SPAST: variants seen among roughly 807,000 people sequenced by gnomAD.
SPAST encodes the protein spastin, also known as spastic paraplegia 4 (autosomal dominant; spastin).
A neutral mutation model predicts 76.6 loss-of-function variants in SPAST; 30 were observed. The ratio of observed to expected loss-of-function variants is 0.39; its 90% CI spans 0.29 to 0.53. SPAST has a LOEUF of 0.53. SPAST is among the 20% of genes least tolerant of loss of function. The probability of loss-of-function intolerance (pLI) is 0.68; values close to 1 mark genes in which losing one functional copy is unlikely to be tolerated. For synonymous variants in SPAST, 305 were observed against 281.0 expected (o/e 1.09, Z -0.86); for missense variants, 717 against 770.5 (o/e 0.93, Z 0.82).
intron 6 of SPAST, 107 bp from the exon 7 acceptor site, chr2:32,116,012 T>C (rs1361724360): frequency 3.1e-6 from 3 of 963,856 alleles, no homozygotes; most frequent in Non-Finnish European, 4.9e-6. Flanking sequence ...TAACTATAGT[T>C]TAACAGTTAA....
chr2:32,128,773 A>T (rs1331935563), intron 9 of SPAST: 7 of 393,320 alleles, frequency 1.8e-5, no homozygotes, highest in East Asian at 1.7e-4. Flanking sequence ...AGATCAGTCA[A>T]AATGTTGGCA....
intron 4 of SPAST, among the ~76,000 whole-genome samples, chr2:32,101,468 T>G (rs1293954950): frequency 6.6e-6 from 1 of 152,104 alleles, no homozygotes; most frequent in Non-Finnish European, 1.5e-5. Flanking sequence ...TTAGTTTAAT[T>G]AGATCCCATT....
At chr2:32,070,021 A>G (rs1293430996) in intron 1 of SPAST, among the ~76,000 whole-genome samples, 1 of 150,278 alleles carries the variant, frequency 6.7e-6, no homozygotes, top group Admixed American at 6.7e-5. Flanking sequence ...TATGGTGACT[A>G]TGTTTATTCT....
At chr2:32,145,420 A>G (rs1388126067) in intron 15 of SPAST, among the ~76,000 whole-genome samples, 2 of 152,186 alleles carry the variant, frequency 1.3e-5, no homozygotes, top group Admixed American at 6.6e-5. Flanking sequence ...TAGCTCACAG[A>G]TCATACAAAA....
chr2:32,116,169 A>G lies in SPAST; in HGVS notation c.1055A>G (p.Gln352Arg). Residue 352 changes from glutamine to arginine, a missense_variant, in exon 7 of 17, where the codon CAA becomes CGA. By Grantham distance (43) the Gln-to-Arg change is conservative. Transcript: ENST00000315285. Reference protein sequence around the residue: ...DDIAGQDLAKQALQEIVILPS... With the variant: ...DDIAGQDLAKRALQEIVILPS... ...ATAGCTGGTCAAGACTTGGCAAAAC[A>G]AGCATTGCAAGAAATTGTTATTCTT... is the stretch of plus-strand genomic sequence containing the variant. 6.2e-7 allele frequency: 1 copy of G among 1,613,670 alleles called. No individual in the cohort carries two copies. Among genetic ancestry groups the G allele is most frequent in the Non-Finnish European group, 8.5e-7 (1 of 1,179,716 alleles).
At chr2:32,126,095 G>A (rs1215371818) in intron 7 of SPAST, among the ~76,000 whole-genome samples, 3 of 152,082 alleles carry the variant, frequency 2.0e-5, no homozygotes, top group Middle Eastern at 3.2e-3. Context: ...GTAAGCCACC[G>A]TGCCCGGCCA....
chr2:32,063,680 C>T lies in SPAST; in HGVS notation c.-152C>T. Reference sequence around the variant, plus strand: ...GCCGAGGAAGGAGAAAGGGGCGGGGCCGGCGGGCAGCGTGCGGCAGTGCGG... The same window carrying T: ...GCCGAGGAAGGAGAAAGGGGCGGGGTCGGCGGGCAGCGTGCGGCAGTGCGG... On this transcript the variant is annotated 5_prime_UTR_variant, in exon 1 of 17. Transcript: ENST00000315285. 1.0e-6 allele frequency: 1 copy of T among 1,004,270 alleles called. No individual in the cohort carries two copies. The highest frequency in any genetic ancestry group is 1.4e-6 in the Non-Finnish European group (1 of 707,060). The allele number at this position is 1,004,270 out of a possible 1,614,324, so 62.2% of individuals were successfully genotyped here.
At chr2:32,142,484 G>A (rs555112934) in intron 13 of SPAST, among the ~76,000 whole-genome samples, 39 of 152,056 alleles carry the variant, frequency 2.6e-4, no homozygotes, top group South Asian at 2.5e-3. Context: ...GCGTGATCTC[G>A]GCTCACTGCA....
chr2:32,067,718 A>G (rs1310869616), intron 1 of SPAST, among the ~76,000 whole-genome samples: 1 of 150,016 alleles, frequency 6.7e-6, no homozygotes. Flanking sequence ...ATCATAGCTC[A>G]CTGCAGCCTC....
chr2:32,122,733 A>G (rs950397978), intron 7 of SPAST, among the ~76,000 whole-genome samples: 1 of 151,958 alleles, frequency 6.6e-6, no homozygotes, highest in African/African-American at 2.4e-5. Flanking sequence ...TGAGTCCAGG[A>G]GTTCGACACC....
At chr2:32,085,614 G>T (rs1455336600) in intron 1 of SPAST, among the ~76,000 whole-genome samples, 1 of 152,100 alleles carries the variant, frequency 6.6e-6, no homozygotes, top group African/African-American at 2.4e-5. Flanking sequence ...TATAACATAA[G>T]AAATTGACCT....
intron 1 of SPAST, among the ~76,000 whole-genome samples, chr2:32,074,457 G>A (rs1676871436): frequency 6.6e-6 from 1 of 151,690 alleles, no homozygotes; most frequent in Non-Finnish European, 1.5e-5. Flanking sequence ...GATAGTAGTA[G>A]GCCAGCTCCT....
chr2:32,086,215 C>T (rs6747488), intron 1 of SPAST, among the ~76,000 whole-genome samples: 64,380 of 151,760 alleles, frequency 0.42, 13,961 homozygotes, highest in East Asian at 0.64. Context: ...CCCAGCACTT[C>T]GGGAGACCAG....
chr2:32,073,983 G>A (rs539959809), intron 1 of SPAST, among the ~76,000 whole-genome samples: 7 of 152,274 alleles, frequency 4.6e-5, no homozygotes, highest in African/African-American at 1.7e-4. Context: ...CGATCTCCAG[G>A]AACAAACTTA....
intron 12 of SPAST, among the ~76,000 whole-genome samples, chr2:32,140,361 G>T (rs1365919735): frequency 6.6e-6 from 1 of 151,958 alleles, no homozygotes; most frequent in Non-Finnish European, 1.5e-5. Context: ...ATTTCACTGG[G>T]CTCTTGTTTC....
At chr2:32,149,797 A>T (rs1225991069) in intron 16 of SPAST, among the ~76,000 whole-genome samples, 1 of 152,190 alleles carries the variant, frequency 6.6e-6, no homozygotes, top group Non-Finnish European at 1.5e-5. Context: ...ACCATTTTAC[A>T]TAAGGGACTT....
At position 32,063,947 on chromosome 2, in the gene SPAST, C is replaced by A. The variant is rs1176214835; in HGVS notation, c.116C>A (p.Ala39Asp). 1.9e-6 allele frequency: 3 copies of A among 1,608,384 alleles called. No homozygotes were observed. The highest frequency in any genetic ancestry group is 2.5e-6 in the Non-Finnish European group (3 of 1,177,460). Residue 39 changes from alanine to aspartate, a missense_variant, in exon 1 of 17, where the codon GCC becomes GAC. Physicochemically the swap from Ala to Asp is moderately radical, Grantham distance 126. Around this residue, in one of 3 missense-constraint regions of SPAST, gnomAD observed 543 missense variants for 445.2 expected, o/e 1.22. Coordinates refer to ENST00000315285, the MANE Select transcript of SPAST (RefSeq NM_014946.4). Reference sequence around the variant, plus strand: ...CCCGCCCCTCCCGCCGCCGGGCCGGCCCCTCCGCCCGAGTCGCCGCATAAG... The same window carrying A: ...CCCGCCCCTCCCGCCGCCGGGCCGGACCCTCCGCCCGAGTCGCCGCATAAG... Reference protein sequence around the residue: ...LAPAPPAAGPAPPPESPHKRN... With the variant: ...LAPAPPAAGPDPPPESPHKRN...
At chr2:32,072,461 A>G (rs771021416) in intron 1 of SPAST, among the ~76,000 whole-genome samples, 2 of 152,174 alleles carry the variant, frequency 1.3e-5, no homozygotes, top group Non-Finnish European at 2.9e-5. Context: ...TTTAATGTTA[A>G]TGCTGATCAG....
intron 1 of SPAST, among the ~76,000 whole-genome samples, chr2:32,069,380 C>G (rs1676656621): frequency 6.6e-6 from 1 of 151,930 alleles, no homozygotes; most frequent in Non-Finnish European, 1.5e-5. Context: ...CAACACAAAC[C>G]TTAGTTCCAA....
Sources: gnomAD v4.1 joint callset for allele counts (sites outside exome capture counted in the v4.1 genomes callset) on GRCh38, gnomAD v4.1.1 for gene constraint, gnomAD v4.1.1 regional missense constraint, MANE v1.5 for transcripts, NCBI Gene and HGNC (gene_info 2026-07-23, HGNC 2026-07-21) for gene names.